The following SLC25A31 variants were observed in gnomAD, a reference collection of about 807,000 sequenced individuals.
The protein encoded by SLC25A31 is ADP/ATP translocase 4.
A neutral mutation model predicts 36.2 loss-of-function variants in SLC25A31; 40 were observed. That is an observed-to-expected ratio of 1.10 (90% CI 0.86 to 1.44). The LOEUF is 1.44. Ranked by LOEUF, SLC25A31 falls within the 40% of genes most tolerant of loss-of-function variation. The pLI, the probability that SLC25A31 is intolerant of heterozygous loss-of-function variation, is 0.00. For synonymous variants in SLC25A31, 143 were observed against 149.7 expected, an observed-to-expected ratio of 0.96 and a Z score of 0.32; for missense variants, 350 against 397.1, an observed-to-expected ratio of 0.88 and a Z score of 1.01.
rs375824364 is a variant in SLC25A31, at chr4:127,756,012, G to A, written c.361-8231G>A. On this transcript the variant is annotated intron_variant, in intron 2 of 5. Transcript: ENST00000281154. ...CGCGCCATTGCGCTCCAGCCTGGGC[G>A]GCAAAGCAAGACCCCACCTCAAAAA... Among the ~76,000 whole-genome samples the A allele has an allele frequency of 9.2e-5, 14 of 151,436 alleles. No individual in the cohort carries two copies. In the East Asian group the frequency reaches 1.4e-3, roughly 15 times the overall value.
rs1263995637 is a variant in SLC25A31, at chr4:127,730,718, G to T, written c.173G>T (p.Ser58Ile). ...LQVQASSKQI[S>I]PEARYKGMVD... is the part of the protein sequence containing the mutation. The stretch of plus-strand genomic sequence containing the variant: ...GTGCAGGCGTCGTCGAAGCAGATCA[G>T]CCCCGAGGCGCGGTACAAAGGCATG... The change falls in exon 1 of 6, where the codon AGC becomes ATC. Residue 58 changes from serine (S) to isoleucine (I), a missense_variant. Ser to Ile is a moderately radical substitution (Grantham distance 142). Transcript: ENST00000281154. 1.2e-6 allele frequency: 2 copies of T among 1,613,814 alleles called. No homozygotes were observed. The highest frequency in any genetic ancestry group is 1.7e-4 in the Middle Eastern group (1 of 6,054).
chr4:127,770,662 T>C (rs1732338952), intron 5 of SLC25A31, among the ~76,000 whole-genome samples: 1 of 151,560 alleles, frequency 6.6e-6, no homozygotes, highest in South Asian at 2.1e-4. Flanking sequence ...ACTCGAGTGT[T>C]TAAGGATAAA....
intron 5 of SLC25A31, among the ~76,000 whole-genome samples, chr4:127,772,096 G>A (rs764235233): frequency 1.3e-5 from 2 of 152,104 alleles, no homozygotes; most frequent in Non-Finnish European, 2.9e-5. Flanking sequence ...CATAAAATAC[G>A]TTGAGGAGTC....
Position 127,773,471 on chromosome 4 carries a change from G to A in SLC25A31, c.845G>A (p.Arg282His), listed in dbSNP as rs367726377. Residue 282 changes from arginine (R) to histidine (H), a missense_variant, in exon 6 of 6, where the codon CGT becomes CAT. Transcript: ENST00000281154. ...CATGAAGGAATCAGTTCCTTTTTTC[G>A]TGGCGCCTTCTCCAATGTTCTTCGC... The part of the protein sequence containing the change: ...YQHEGISSFF[R>H]GAFSNVLRGT... 4.7e-5 allele frequency: 76 copies of A among 1,613,636 alleles called. 1 individual carries two copies. In the East Asian group the frequency reaches 7.8e-4, roughly 17 times the overall value.
chr4:127,768,952 A>G lies in SLC25A31; in HGVS notation c.759+75A>G, dbSNP rs547593144. 510 of 1,381,396 alleles carry G rather than the reference A, an allele frequency of 3.7e-4. 5 individuals are homozygous for G. The South Asian group carries it at 4.8e-3, about 13-fold the overall frequency. The allele number at this position is 1,381,396 out of a possible 1,614,324, so 85.6% of individuals were successfully genotyped here. ...ATATTTAGGTATAATCAAATTTAAG[A>G]GAAATGTTGGCTGAAAGGCATAAGT... On this transcript the variant is annotated intron_variant, in intron 5 of 5. Transcript: ENST00000281154.
chr4:127,753,048 G>C (rs1391909553), intron 2 of SLC25A31, among the ~76,000 whole-genome samples: 1 of 152,070 alleles, frequency 6.6e-6, no homozygotes, highest in East Asian at 1.9e-4. Context: ...TCAAGAACAG[G>C]AGAAATTTAG....
chr4:127,770,040 T>C (rs1452916858), intron 5 of SLC25A31, among the ~76,000 whole-genome samples: 1 of 152,208 alleles, frequency 6.6e-6, no homozygotes. Context: ...TTCCTATCAT[T>C]ATCCTCATTT....
intron 1 of SLC25A31, among the ~76,000 whole-genome samples, chr4:127,738,164 A>C (rs1731668112): frequency 6.6e-6 from 1 of 152,124 alleles, no homozygotes; most frequent in Admixed American, 6.5e-5. Flanking sequence ...GGCCTCCCAG[A>C]GTCAAGCGAT....
At chr4:127,745,944 C>T (rs1308621182) in intron 2 of SLC25A31, among the ~76,000 whole-genome samples, 2 of 152,046 alleles carry the variant, frequency 1.3e-5, no homozygotes, top group Non-Finnish European at 2.9e-5. Context: ...TTTCCTGCAG[C>T]TCTCCATCCT....
At chr4:127,741,893 A>G (rs1300048015) in intron 1 of SLC25A31, among the ~76,000 whole-genome samples, 1 of 152,132 alleles carries the variant, frequency 6.6e-6, no homozygotes, top group Non-Finnish European at 1.5e-5. Context: ...AATTTCATAT[A>G]TGTTATTTAA....
In SLC25A31 at chr4:127,752,360, A is replaced by C. The variant is rs1731951173; in HGVS notation, c.360+7561A>C. On this transcript the variant is annotated intron_variant, in intron 2 of 5. Coordinates refer to ENST00000281154, the MANE Select transcript of SLC25A31 (RefSeq NM_031291.4). ...CGCATGTTCTCACTCATAGGTGGGA[A>C]TTGAACAATGAGAACACATGGACAC... Among the ~76,000 whole-genome samples the C allele has an allele frequency of 1.3e-5, 2 of 149,620 alleles. 1 individual carries two copies. The highest frequency in any genetic ancestry group is 4.4e-4 in the South Asian group (2 of 4,506).
chr4:127,735,876 A>ATTTTTT (rs1560630392), intron 1 of SLC25A31, among the ~76,000 whole-genome samples: 4 of 73,742 alleles, frequency 5.4e-5, no homozygotes, highest in Admixed American at 1.9e-4. Flanking sequence ...TATTTTATTT[A>ATTTTTT]TTTATTTATT....
chr4:127,739,389 A>T (rs1390492794), intron 1 of SLC25A31, among the ~76,000 whole-genome samples: 1 of 151,778 alleles, frequency 6.6e-6, no homozygotes, highest in Non-Finnish European at 1.5e-5. Context: ...CTTGGTTTGA[A>T]TTTTTCTTTA....
intron 2 of SLC25A31, among the ~76,000 whole-genome samples, chr4:127,760,898 G>A (rs1373084683): frequency 6.6e-6 from 1 of 152,162 alleles, no homozygotes; most frequent in African/African-American, 2.4e-5. Context: ...AATTAGCCGA[G>A]TGTGGTGGCG....
At chr4:127,762,867 T>C (rs1388533870) in intron 2 of SLC25A31, among the ~76,000 whole-genome samples, 1 of 150,222 alleles carries the variant, frequency 6.7e-6, no homozygotes, top group Non-Finnish European at 1.5e-5. Context: ...GAGCTTGCAG[T>C]GAGCCAAGAT....
At chr4:127,748,127 C>A (rs1285651938) in intron 2 of SLC25A31, among the ~76,000 whole-genome samples, 1 of 152,146 alleles carries the variant, frequency 6.6e-6, no homozygotes, top group East Asian at 1.9e-4. Flanking sequence ...TGGTCCCCTT[C>A]CAGAGATCAA....
At chr4:127,762,390 A>G (rs573229295) in intron 2 of SLC25A31, among the ~76,000 whole-genome samples, 1 of 152,222 alleles carries the variant, frequency 6.6e-6, no homozygotes, top group South Asian at 2.1e-4. Context: ...ATATAGAGAC[A>G]GAAAGTAGTT....
intron 1 of SLC25A31, among the ~76,000 whole-genome samples, chr4:127,735,871 TATTTATTTATTTATTTA>T (rs1731616604): frequency 6.8e-5 from 6 of 87,598 alleles, no homozygotes; most frequent in African/African-American, 2.1e-4. Flanking sequence ...TCTTTTATTT[TATTTATTTATTTATTTA>T]TTTATTTATT....
chr4:127,746,848 A>G (rs548487548), intron 2 of SLC25A31, among the ~76,000 whole-genome samples: 2 of 152,238 alleles, frequency 1.3e-5, no homozygotes, highest in Non-Finnish European at 1.5e-5. Context: ...ATCTTTGCCC[A>G]TTCCTATGTC....
Sources: allele counts gnomAD v4.1 joint callset (sites outside exome capture counted in the v4.1 genomes callset), GRCh38; gene constraint gnomAD v4.1.1; transcripts MANE v1.5; gene names NCBI Gene and HGNC (gene_info 2026-07-23, HGNC 2026-07-21).